SLC44A1: variants seen among roughly 807,000 people sequenced by gnomAD.
SLC44A1 encodes choline transporter-like protein 1.
SLC44A1 carries 26 observed loss-of-function variants against 79.3 expected under a neutral mutation model. The observed-to-expected ratio is 0.33, with a 90% CI of 0.24 to 0.46. SLC44A1 has a LOEUF of 0.46. Ranked by LOEUF, SLC44A1 falls within the 20% of genes least tolerant of loss-of-function variation. The pLI, the probability that SLC44A1 is intolerant of heterozygous loss-of-function variation, is 1.00. For synonymous variants in SLC44A1, 263 were observed against 286.2 expected, an observed-to-expected ratio of 0.92 and a Z score of 0.82; for missense variants, 688 against 798.1, an observed-to-expected ratio of 0.86 and a Z score of 1.66.
At chr9:105,413,614 T>C (rs1829127251) in intron 15 of SLC44A1, among the ~76,000 whole-genome samples, 1 of 152,252 alleles carries the variant, frequency 6.6e-6, no homozygotes, top group South Asian at 2.1e-4. Flanking sequence ...GGGCTTACTG[T>C]TACATGAGAA....
intron 3 of SLC44A1, among the ~76,000 whole-genome samples, chr9:105,315,263 TTTTG>T (rs1392810283): frequency 1.4e-4 from 18 of 131,210 alleles, no homozygotes; most frequent in Non-Finnish European, 2.1e-4. Context: ...AACTGCGTTT[TTTTG>T]TTTGTTTTTT....
At chr9:105,419,047 T>A (rs2131513946) in intron 15 of SLC44A1, among the ~76,000 whole-genome samples, 1 of 152,248 alleles carries the variant, frequency 6.6e-6, no homozygotes, top group South Asian at 2.1e-4. Context: ...AATTTGGCAG[T>A]GAACTTGACA....
At position 105,389,059 on chromosome 9, in the gene SLC44A1, C is replaced by T. The variant is rs1170517112; in HGVS notation, c.*3C>T. 3.1e-6 allele frequency: 5 copies of T among 1,613,150 alleles called. No individual in the cohort carries two copies. The highest frequency in any genetic ancestry group is 4.2e-6 in the Non-Finnish European group (5 of 1,179,328). On this transcript the variant is annotated 3_prime_UTR_variant, in exon 16 of 16. Coordinates refer to ENST00000374720, the MANE Select transcript of SLC44A1 (RefSeq NM_080546.5). The stretch of plus-strand genomic sequence containing the variant: ...CTTCGGGAGCAAGTTCTGCTTGAAC[C>T]TAGCCGACGGTTATGGAAACCCATT...
chr9:105,306,667 A>T (rs1831041167), intron 2 of SLC44A1, among the ~76,000 whole-genome samples: 1 of 151,342 alleles, frequency 6.6e-6, no homozygotes, highest in African/African-American at 2.4e-5. Context: ...TATATATGTA[A>T]CATTTACAAT....
At chr9:105,308,250 A>G (rs986033974) in intron 2 of SLC44A1, among the ~76,000 whole-genome samples, 1 of 152,242 alleles carries the variant, frequency 6.6e-6, no homozygotes, top group Non-Finnish European at 1.5e-5. Flanking sequence ...ATTTCTAATA[A>G]TAGTACCTAA....
chr9:105,371,218 G>A (rs1042781267), intron 12 of SLC44A1, among the ~76,000 whole-genome samples: 2 of 152,212 alleles, frequency 1.3e-5, no homozygotes, highest in Non-Finnish European at 2.9e-5. Flanking sequence ...CAGTAGATGA[G>A]TGAGTAGATG....
intron 15 of SLC44A1, among the ~76,000 whole-genome samples, chr9:105,431,153 T>C (rs1228049572): frequency 6.6e-6 from 1 of 152,200 alleles, no homozygotes; most frequent in East Asian, 1.9e-4. Context: ...TAGCCTTAAG[T>C]TTATCTTCTG....
chr9:105,247,111 T>C (rs904079301), intron 1 of SLC44A1, among the ~76,000 whole-genome samples: 5 of 151,946 alleles, frequency 3.3e-5, no homozygotes, highest in Non-Finnish European at 7.4e-5. Flanking sequence ...TTTTTCTTAT[T>C]TGAGATTTTT....
chr9:105,304,689 G>A (rs935543850), intron 2 of SLC44A1, among the ~76,000 whole-genome samples: 1 of 152,090 alleles, frequency 6.6e-6, no homozygotes, highest in Admixed American at 6.5e-5. Context: ...AGGAAACTGA[G>A]GCTCAGGGAA....
chr9:105,383,246 T>C lies in SLC44A1; in HGVS notation c.1756T>C (p.Phe586Leu), dbSNP rs1240939517. ...CTTTGCTTTCCTAGTCGCTCATTGC[T>C]TCCTGTCTATTTATGAAATGGTAGT... The part of the protein sequence containing the change: ...CLFAFLVAHC[F>L]LSIYEMVVDV... Residue 586 changes from phenylalanine to leucine, a missense_variant, in exon 14 of 16, where the codon TTC becomes CTC. Phe to Leu is a conservative substitution (Grantham distance 22). Transcript: ENST00000374720. 1.2e-6 allele frequency: 2 copies of C among 1,613,958 alleles called. No homozygotes were observed. The highest frequency in any genetic ancestry group is 1.7e-6 in the Non-Finnish European group (2 of 1,179,818).
chr9:105,351,510 G>A (rs1827404426), intron 5 of SLC44A1, among the ~76,000 whole-genome samples: 1 of 149,814 alleles, frequency 6.7e-6, no homozygotes. Flanking sequence ...TCCAGCCTGG[G>A]CAACAGAGCA....
At position 105,386,356 on chromosome 9, in the gene SLC44A1, A is replaced by G. The variant is rs536147866; in HGVS notation, c.1950+854A>G. ...AATAGCATGTTTATTTTCAAATATTATATAATTGTCTGCATCCTTAAATAA... is the reference window on the plus strand; with the variant it reads ...AATAGCATGTTTATTTTCAAATATTGTATAATTGTCTGCATCCTTAAATAA... On this transcript the variant is annotated intron_variant, in intron 15 of 15. Transcript: ENST00000374720. 7 of 947,216 alleles carry G rather than the reference A, an allele frequency of 7.4e-6. 1 individual carries two copies. The highest frequency in any genetic ancestry group is 5.3e-5 in the African/African-American group (3 of 56,556). The allele number at this position is 947,216 out of a possible 1,614,324, so 58.7% of individuals were successfully genotyped here. A position where few individuals can be genotyped will look rare whatever the true frequency, so the allele number is the denominator to read the frequency against.
chr9:105,421,971 T>G (rs1383411944), intron 15 of SLC44A1, among the ~76,000 whole-genome samples: 1 of 152,190 alleles, frequency 6.6e-6, no homozygotes, highest in African/African-American at 2.4e-5. Flanking sequence ...TCCAGTAAGT[T>G]CGGACCTCTG....
intron 15 of SLC44A1, among the ~76,000 whole-genome samples, chr9:105,422,281 C>CTTTT (rs554922812): frequency 7.3e-5 from 7 of 95,906 alleles, no homozygotes; most frequent in Non-Finnish European, 1.2e-4. Flanking sequence ...CTGCTCCATC[C>CTTTT]TTTTTTTTTT....
intron 3 of SLC44A1, among the ~76,000 whole-genome samples, chr9:105,328,459 TA>T (rs1467163070): frequency 6.6e-6 from 1 of 152,106 alleles, no homozygotes; most frequent in Non-Finnish European, 1.5e-5. Flanking sequence ...TCCAGGCAGA[TA>T]GGCAGTGCAG....
At chr9:105,318,273 C>T (rs1464236650) in intron 3 of SLC44A1, among the ~76,000 whole-genome samples, 6 of 152,114 alleles carry the variant, frequency 3.9e-5, no homozygotes, top group African/African-American at 1.2e-4. Context: ...CTCCGCCTCC[C>T]GAGTTCAATA....
intron 3 of SLC44A1, among the ~76,000 whole-genome samples, chr9:105,316,793 A>G (rs1364620431): frequency 6.6e-6 from 1 of 152,350 alleles, no homozygotes; most frequent in East Asian, 1.9e-4. Context: ...TGGTGATAGT[A>G]CTGGAACCAC....
At chr9:105,252,422 C>T (rs1278250463) in intron 1 of SLC44A1, among the ~76,000 whole-genome samples, 1 of 152,186 alleles carries the variant, frequency 6.6e-6, no homozygotes, top group Non-Finnish European at 1.5e-5. Flanking sequence ...TACCTTAGAA[C>T]ACTGGGGTTT....
intron 15 of SLC44A1, among the ~76,000 whole-genome samples, chr9:105,408,555 G>T (rs1378701613): frequency 6.6e-6 from 1 of 152,102 alleles, no homozygotes; most frequent in Non-Finnish European, 1.5e-5. Flanking sequence ...GACTACAGGT[G>T]CATGCCACCA....
Sources: gnomAD v4.1 joint callset for allele counts (sites outside exome capture counted in the v4.1 genomes callset) on GRCh38, gnomAD v4.1.1 for gene constraint, MANE v1.5 for transcripts, NCBI Gene and HGNC (gene_info 2026-07-23, HGNC 2026-07-21) for gene names.